CDC7: variants seen among roughly 807,000 people sequenced by gnomAD.
CDC7 encodes the protein cell division cycle 7.
Under a neutral mutation model 53.5 loss-of-function variants are expected in CDC7, and 34 were observed. The observed-to-expected ratio is 0.64, with a 90% CI of 0.48 to 0.85. The LOEUF is 0.85. Ranked by LOEUF, CDC7 falls within the 40% of genes least tolerant of loss-of-function variation. The pLI, the probability that CDC7 is intolerant of heterozygous loss-of-function variation, is 0.00. For missense variants in CDC7, 594 were observed against 679.7 expected (o/e 0.87, Z 1.40); for synonymous variants, 211 against 222.8 (o/e 0.95, Z 0.47).
intron 11 of CDC7, among the ~76,000 whole-genome samples, chr1:91,520,971 A>G (rs1667910320): frequency 6.6e-6 from 1 of 152,234 alleles, no homozygotes; most frequent in Admixed American, 6.5e-5. Context: ...GCTCTGGCCA[A>G]CAATCTGAAC....
intron 2 of CDC7, among the ~76,000 whole-genome samples, chr1:91,504,011 G>A (rs1666845820): frequency 6.7e-6 from 1 of 149,692 alleles, no homozygotes; most frequent in African/African-American, 2.5e-5. Context: ...CCTATAGATT[G>A]TTTCTATTTT....
rs761686895 is a variant in CDC7, at chr1:91,507,921, G to A, written c.183G>A (p.Glu61=). The change falls in exon 3 of 12, where the codon GAG becomes GAA. Residue 61 remains glutamate, a synonymous_variant. Transcript: ENST00000234626. Reference sequence around the variant, plus strand: ...AGCTTAGTAATGTGTTTAAGATTGAGGACAAAATTGGAGAAGGTAATCTGG... The same window carrying A: ...AGCTTAGTAATGTGTTTAAGATTGAAGACAAAATTGGAGAAGGTAATCTGG... ...VPQLSNVFKI[E]DKIGEGTFSS... is the part of the protein sequence containing the mutation. The A allele has an allele frequency of 1.3e-6, 2 of 1,557,214 alleles. No homozygotes were observed. The highest frequency in any genetic ancestry group is 2.3e-5 in the East Asian group (1 of 42,984).
chr1:91,519,679 T>C (rs752157113), intron 10 of CDC7, among the ~76,000 whole-genome samples: 1 of 152,240 alleles, frequency 6.6e-6, no homozygotes, highest in East Asian at 1.9e-4. Context: ...TAGTGTCAGC[T>C]GAAGAAGAGC....
At position 91,524,332 on chromosome 1, in the gene CDC7, A is replaced by G; in HGVS notation, c.1622A>G (p.Glu541Gly). 6.2e-7 allele frequency: 1 copy of G among 1,613,932 alleles called. No individual in the cohort carries two copies. The highest frequency in any genetic ancestry group is 8.5e-7 in the Non-Finnish European group (1 of 1,179,904). The change falls in exon 12 of 12, where the codon GAA becomes GGA. Residue 541 changes from glutamate to glycine, a missense_variant. By Grantham distance (98) the Glu-to-Gly change is moderately conservative (BLOSUM62 -2). Coordinates refer to ENST00000234626, the MANE Select transcript of CDC7 (RefSeq NM_003503.4). ...NLEGWNEVPD[E>G]AYDLLDKLLD... The stretch of plus-strand genomic sequence containing the variant: ...GAAGGCTGGAATGAGGTACCTGATG[A>G]AGCTTATGACCTGCTTGATAAACTT...
At chr1:91,509,684 A>G (rs765896106) in intron 4 of CDC7, among the ~76,000 whole-genome samples, 10 of 152,150 alleles carry the variant, frequency 6.6e-5, no homozygotes, top group Non-Finnish European at 1.3e-4. Flanking sequence ...TATAAAATAT[A>G]TATGTATATA....
chr1:91,517,388 T>C (rs764130441), intron 10 of CDC7, among the ~76,000 whole-genome samples: 2 of 152,006 alleles, frequency 1.3e-5, no homozygotes, highest in African/African-American at 4.8e-5. Flanking sequence ...GATAATTGGA[T>C]GTAGAATTAG....
chr1:91,508,525 G>A, intron 4 of CDC7, 128 bp downstream of exon 4: 1 of 680,166 alleles, frequency 1.5e-6, no homozygotes. Flanking sequence ...TTTGCAATTT[G>A]CTAGCACTTT....
chr1:91,507,841 G>C lies in CDC7; in HGVS notation c.116-13G>C, dbSNP rs1227536999. On this transcript the variant is annotated splice_polypyrimidine_tract_variant and intron_variant, in intron 2 of 11. Coordinates refer to ENST00000234626, the MANE Select transcript of CDC7 (RefSeq NM_003503.4). Reference sequence around the variant, plus strand: ...TCATTGATTAAAACTCTAAATTTTTGTTTCCTTGAAAGGTGTTAAAAAAGA... The same window carrying C: ...TCATTGATTAAAACTCTAAATTTTTCTTTCCTTGAAAGGTGTTAAAAAAGA... The C allele has an allele frequency of 4.7e-6, 6 of 1,274,186 alleles. No individual in the cohort carries two copies. The highest frequency in any genetic ancestry group is 6.6e-6 in the Non-Finnish European group (6 of 903,454). 78.9% of individuals were successfully genotyped at this position (1,274,186 alleles called of 1,614,324 possible). A position where few individuals can be genotyped will look rare whatever the true frequency, so the allele number is the denominator to read the frequency against.
At chr1:91,517,454 G>A (rs1040449194) in intron 10 of CDC7, among the ~76,000 whole-genome samples, 1 of 152,166 alleles carries the variant, frequency 6.6e-6, no homozygotes, top group Non-Finnish European at 1.5e-5. Context: ...TTCCTAGCTT[G>A]GGAGACTTGG....
rs187654640 is a variant in CDC7 at position 91,516,729 on chromosome 1, A to G, written c.1180+853A>G. On this transcript the variant is annotated intron_variant, in intron 10 of 11. Coordinates refer to ENST00000234626, the MANE Select transcript of CDC7 (RefSeq NM_003503.4). Reference sequence around the variant, plus strand: ...TGGGCTGAGAAGTTAGCATAGAGGCATGAGCCAAGGAACTCAAGAAACAGC... The same window carrying G: ...TGGGCTGAGAAGTTAGCATAGAGGCGTGAGCCAAGGAACTCAAGAAACAGC... Among the ~76,000 whole-genome samples, 6 of 152,344 alleles carry G rather than the reference A, an allele frequency of 3.9e-5. No homozygotes were observed. In the East Asian group the frequency reaches 1.2e-3, roughly 29 times the overall value.
At position 91,501,723 on chromosome 1, in the gene CDC7, G is replaced by A. The variant is rs1571308046; in HGVS notation, c.7G>A (p.Ala3Thr). The change falls in exon 2 of 12, where the codon GCG (alanine) becomes ACG (threonine). Residue 3 changes from alanine (A) to threonine (T), a missense_variant. By Grantham distance (58) the Ala-to-Thr change is moderately conservative. Coordinates refer to ENST00000234626, the MANE Select transcript of CDC7 (RefSeq NM_003503.4). MEASLGIQMDEPM... is the reference protein window; with the variant it reads METSLGIQMDEPM... ...GCATCTCAATTGGCTTGTGATGGAG[G>A]CGTCTTTGGGGATTCAGATGGATGA... 3 of 1,613,452 alleles carry A rather than the reference G, an allele frequency of 1.9e-6. No homozygotes were observed. The highest frequency in any genetic ancestry group is 1.6e-4 in the Middle Eastern group (1 of 6,062).
intron 2 of CDC7, among the ~76,000 whole-genome samples, chr1:91,507,074 C>A (rs558242531): frequency 1.3e-5 from 2 of 152,298 alleles, no homozygotes; most frequent in East Asian, 3.9e-4. Flanking sequence ...TCCTGCTCTG[C>A]CAAGTTCACA....
intron 2 of CDC7, among the ~76,000 whole-genome samples, chr1:91,505,539 G>T (rs2102329922): frequency 6.6e-6 from 1 of 152,298 alleles, no homozygotes; most frequent in Admixed American, 6.5e-5. Context: ...GACTTAAAAT[G>T]TCAAAATAGA....
chr1:91,511,630 C>T lies in CDC7; in HGVS notation c.369C>T (p.Cys123=), dbSNP rs148946131. The change falls in exon 5 of 12, where the codon TGC becomes TGT. Residue 123 remains cysteine (C), a synonymous_variant. Transcript: ENST00000234626. ...GQDNVMGVKY[C]FRKNDHVVIA... is the part of the protein sequence containing the mutation. ...ATAATGTCATGGGAGTTAAATACTG[C>T]TTTAGGAAGAATGATCATGTAGTTA... The T allele has an allele frequency of 9.9e-6, 16 of 1,610,294 alleles. No individual in the cohort carries two copies. The African/African-American group carries it at 2.0e-4, about 20-fold the overall frequency.
chr1:91,524,156 T>G lies in CDC7; in HGVS notation c.1446T>G (p.His482Gln). The G allele has an allele frequency of 6.2e-7, 1 of 1,614,096 alleles. No individual in the cohort carries two copies. Among genetic ancestry groups the G allele is most frequent in the Non-Finnish European group, 8.5e-7 (1 of 1,179,970 alleles). Reference protein sequence around the residue: ...TPKLTSDIQGHASHQPAISEK... With the variant: ...TPKLTSDIQGQASHQPAISEK... ...AGTTAACAAGTGATATACAAGGGCA[T>G]GCTTCTCATCAACCAGCTATTTCAG... is the stretch of plus-strand genomic sequence containing the variant. The change falls in exon 12 of 12, where the codon CAT becomes CAG. Residue 482 changes from histidine (H) to glutamine (Q), a missense_variant. Transcript: ENST00000234626.
Position 91,514,997 on chromosome 1 carries a change from G to A in CDC7, c.1097G>A (p.Arg366Lys). The change falls in exon 9 of 12, where the codon AGG (arginine) becomes AAG (lysine). Residue 366 changes from arginine to lysine, a missense_variant and splice_region_variant. Arg to Lys is a conservative substitution (Grantham distance 26). Transcript: ENST00000234626. ...AAAGTTTGTAGTATTTGCCTTTCAA[G>A]GTAATGTGTTTTGATGGTGTTATAA... ...TDKVCSICLS[R>K]RQQVAPRAGT... is the part of the protein sequence containing the mutation. The A allele has an allele frequency of 6.2e-7, 1 of 1,607,156 alleles. No homozygotes were observed. The highest frequency in any genetic ancestry group is 8.5e-7 in the Non-Finnish European group (1 of 1,177,610).
chr1:91,501,434 C>T (rs1293397917), intron 1 of CDC7: 1 of 338,220 alleles, frequency 3.0e-6, no homozygotes, highest in Non-Finnish European at 5.4e-6. Context: ...TGCGCGGGTG[C>T]CCAAGCCGGG....
chr1:91,506,332 C>T (rs1666986936), intron 2 of CDC7, among the ~76,000 whole-genome samples: 1 of 152,044 alleles, frequency 6.6e-6, no homozygotes, highest in Admixed American at 6.6e-5. Context: ...AGCCCTCCCC[C>T]TACCCTAATC....
intron 2 of CDC7, among the ~76,000 whole-genome samples, chr1:91,506,649 A>C (rs1218665421): frequency 6.6e-6 from 1 of 152,058 alleles, no homozygotes; most frequent in Non-Finnish European, 1.5e-5. Context: ...GACAGCGTTT[A>C]TTTAAATGAA....
Sources: gnomAD v4.1 joint callset for allele counts (sites outside exome capture counted in the v4.1 genomes callset) on GRCh38, gnomAD v4.1.1 for gene constraint, MANE v1.5 for transcripts, NCBI Gene and HGNC (gene_info 2026-07-23, HGNC 2026-07-21) for gene names.